CMSS1: variants seen among roughly 807,000 people sequenced by gnomAD.
CMSS1 encodes protein CMSS1.
A neutral mutation model predicts 43.5 loss-of-function variants in CMSS1; 33 were observed. The observed-to-expected ratio is 0.76, with a 90% CI of 0.57 to 1.01. CMSS1 has a LOEUF of 1.01. Among genes scored for constraint, CMSS1 ranks in the 50% least tolerant of loss-of-function variants. The probability of loss-of-function intolerance (pLI) is 0.00; values close to 1 mark genes in which losing one functional copy is unlikely to be tolerated. For synonymous variants in CMSS1, 115 were observed against 117.2 expected (o/e 0.98, Z 0.12); for missense variants, 313 against 326.4 (o/e 0.96, Z 0.32).
chr3:100,174,896 G>A (rs1302641228), intron 8 of CMSS1, among the ~76,000 whole-genome samples: 1 of 152,134 alleles, frequency 6.6e-6, no homozygotes, highest in Non-Finnish European at 1.5e-5. Flanking sequence ...CACTTTAGAA[G>A]CAATCTCTTG....
At chr3:100,008,792 C>T (rs933224015) in intron 1 of CMSS1, among the ~76,000 whole-genome samples, 4 of 152,104 alleles carry the variant, frequency 2.6e-5, no homozygotes, top group East Asian at 1.9e-4. Flanking sequence ...TTGTATTTTG[C>T]GTGCAGAAAT....
chr3:100,151,893 A>G (rs115597199), intron 2 of CMSS1, among the ~76,000 whole-genome samples: 1,665 of 152,298 alleles, frequency 0.011, 29 homozygotes, highest in African/African-American at 0.037. Context: ...GGGGCTCCTC[A>G]GTTTTAATTC....
intron 1 of CMSS1, among the ~76,000 whole-genome samples, chr3:100,075,059 A>G (rs1334211822): frequency 1.4e-5 from 2 of 144,538 alleles, no homozygotes; most frequent in Non-Finnish European, 3.1e-5. Flanking sequence ...TTAATTGCTT[A>G]TATTTTTTTA....
chr3:99,849,001 A>C (rs1943514774), intron 1 of CMSS1: 13 of 1,614,142 alleles, frequency 8.1e-6, no homozygotes, highest in Non-Finnish European at 1.1e-5. Context: ...GCTTAGGACT[A>C]GATCTCCAGG....
chr3:99,847,861 A>G (rs1253380357), intron 1 of CMSS1: 1 of 824,182 alleles, frequency 1.2e-6, no homozygotes, highest in African/African-American at 1.9e-5. Context: ...TAAGCAAAAG[A>G]CAAAATTCTA....
At chr3:99,827,487 C>T (rs915603238) in intron 1 of CMSS1, among the ~76,000 whole-genome samples, 15 of 151,328 alleles carry the variant, frequency 9.9e-5, no homozygotes, top group East Asian at 2.0e-4. Flanking sequence ...TCACCGCACC[C>T]GGCAAATGTA....
chr3:100,132,875 G>A (rs925470922), intron 1 of CMSS1, among the ~76,000 whole-genome samples: 5 of 147,908 alleles, frequency 3.4e-5, no homozygotes, highest in Non-Finnish European at 6.0e-5. Context: ...TCAAATGATC[G>A]CAAATTAGTA....
At chr3:99,904,389 T>C (rs895138987) in intron 1 of CMSS1, among the ~76,000 whole-genome samples, 1 of 152,196 alleles carries the variant, frequency 6.6e-6, no homozygotes, top group African/African-American at 2.4e-5. Flanking sequence ...TGGCAAAAAT[T>C]TATTTGGTTT....
At chr3:100,058,412 A>G (rs2065502539) in intron 1 of CMSS1, among the ~76,000 whole-genome samples, 1 of 152,230 alleles carries the variant, frequency 6.6e-6, no homozygotes, top group African/African-American at 2.4e-5. Context: ...CTCTGAAGGC[A>G]GGCAGAGAAA....
At chr3:100,147,265 C>CTTTT (rs71132514) in intron 2 of CMSS1, among the ~76,000 whole-genome samples, 21 of 86,840 alleles carry the variant, frequency 2.4e-4, no homozygotes, top group South Asian at 4.3e-4. Flanking sequence ...AATTCTTTTT[C>CTTTT]TTTTTTTTTT....
rs556689557 is a variant in CMSS1, at chr3:99,985,477, G to T, written c.65-161496G>T. ...ATCATACCACTATACTTCAGCCTGGGTGACAGCAAGACCCTGTCTCAAAAA... is the reference window on the plus strand; with the variant it reads ...ATCATACCACTATACTTCAGCCTGGTTGACAGCAAGACCCTGTCTCAAAAA... On this transcript the variant is annotated intron_variant, in intron 1 of 9. Coordinates refer to ENST00000421999, the MANE Select transcript of CMSS1 (RefSeq NM_032359.4). Among the ~76,000 whole-genome samples the T allele has an allele frequency of 2.6e-5, 4 of 152,224 alleles. No homozygotes were observed. The South Asian group carries it at 8.3e-4, about 32-fold the overall frequency.
At position 100,114,879 on chromosome 3, in the gene CMSS1, C is replaced by A; in HGVS notation, c.65-32094C>A. The A allele has an allele frequency of 2.6e-6, 3 of 1,143,990 alleles. No homozygotes were observed. In the South Asian group the frequency reaches 4.1e-5, roughly 16 times the overall value. The allele number at this position is 1,143,990 out of a possible 1,614,324, so 70.9% of individuals were successfully genotyped here. A position where few individuals can be genotyped will look rare whatever the true frequency, so the allele number is the denominator to read the frequency against. ...CATAACCCAAGGCACTGTAAACATT[C>A]GCTATTATTAACGCTGTGTTGGACT... is the stretch of plus-strand genomic sequence containing the variant. On this transcript the variant is annotated intron_variant, in intron 1 of 9. Coordinates refer to ENST00000421999, the MANE Select transcript of CMSS1 (RefSeq NM_032359.4).
chr3:99,967,388 G>A (rs1708685457), intron 1 of CMSS1, among the ~76,000 whole-genome samples: 1 of 152,218 alleles, frequency 6.6e-6, no homozygotes, highest in Non-Finnish European at 1.5e-5. Context: ...TTCTCGTGAA[G>A]AGTAAATAGA....
At chr3:100,068,132 A>G (rs905989655) in intron 1 of CMSS1, among the ~76,000 whole-genome samples, 1 of 152,274 alleles carries the variant, frequency 6.6e-6, no homozygotes, top group Admixed American at 6.5e-5. Context: ...CAAGGCAATC[A>G]GAGAAATGCA....
Position 99,961,249 on chromosome 3 carries a change from A to G in CMSS1, c.64+143206A>G, listed in dbSNP as rs78643255. On this transcript the variant is annotated intron_variant, in intron 1 of 9. Transcript: ENST00000421999. ...TCCGGACTTGCCTCTTGCAGGTGTTATCCCCTGTGTTGGAATGCTGGGTTT... is the reference window on the plus strand; with the variant it reads ...TCCGGACTTGCCTCTTGCAGGTGTTGTCCCCTGTGTTGGAATGCTGGGTTT... 4.5e-3 allele frequency among the ~76,000 whole-genome samples: 687 copies of G among 152,284 alleles called. 7 individuals carry two copies. Among genetic ancestry groups the G allele is most frequent in the African/African-American group, 0.016 (673 of 41,556 alleles).
intron 1 of CMSS1, among the ~76,000 whole-genome samples, chr3:99,894,813 G>C (rs959279628): frequency 8.5e-5 from 13 of 152,114 alleles, no homozygotes; most frequent in African/African-American, 2.2e-4. Flanking sequence ...TAATTCACAA[G>C]GTTTATATGT....
chr3:99,856,427 T>C (rs1943969699), intron 1 of CMSS1, among the ~76,000 whole-genome samples: 1 of 152,212 alleles, frequency 6.6e-6, no homozygotes. Flanking sequence ...CTTGGAGTAC[T>C]CATATTCATG....
At chr3:99,957,689 CTTTCTTTTTTTTTT>C (rs1439702512) in intron 1 of CMSS1, among the ~76,000 whole-genome samples, 15 of 7,964 alleles carry the variant, frequency 1.9e-3, no homozygotes, top group Admixed American at 0.01. Context: ...TCTTTTCTTT[CTTTCTTTTTTTTTT>C]TTTTTTTTTT....
At chr3:100,059,009 T>C (rs1001527154) in intron 1 of CMSS1, among the ~76,000 whole-genome samples, 4 of 152,252 alleles carry the variant, frequency 2.6e-5, no homozygotes, top group African/African-American at 9.6e-5. Context: ...TTCCAGTGTT[T>C]TTCTTTTTAG....
Sources: gnomAD v4.1 joint callset for allele counts (sites outside exome capture counted in the v4.1 genomes callset) on GRCh38, gnomAD v4.1.1 for gene constraint, MANE v1.5 for transcripts, NCBI Gene and HGNC (gene_info 2026-07-23, HGNC 2026-07-21) for gene names.